The following PHC2 variants were observed in gnomAD, a reference collection of about 807,000 sequenced individuals.
PHC2 encodes the protein polyhomeotic-like protein 2.
In PHC2, 29 loss-of-function variants were observed where a neutral mutation model predicts 87.4. That is an observed-to-expected ratio of 0.33 (90% confidence interval 0.25 to 0.45). The LOEUF (loss-of-function observed/expected upper bound fraction) is 0.45. PHC2 is among the 20% of genes least tolerant of loss of function. PHC2 has a pLI of 1.00. For missense variants in PHC2, 857 were observed against 1,136.7 expected (o/e 0.75, Z 3.54); for synonymous variants, 438 against 461.7 (o/e 0.95, Z 0.66).
At chr1:33,404,956 T>C (rs531559151) in intron 1 of PHC2, among the ~76,000 whole-genome samples, 37 of 152,302 alleles carry the variant, frequency 2.4e-4, no homozygotes, top group Admixed American at 1.7e-3. Flanking sequence ...GCATGTTTAA[T>C]GGCTGCACAG....
intron 2 of PHC2, among the ~76,000 whole-genome samples, chr1:33,374,146 G>A (rs1296029299): frequency 6.6e-6 from 1 of 152,120 alleles, no homozygotes; most frequent in African/African-American, 2.4e-5. Context: ...ACTCCTGAAA[G>A]TGACCTCCCC....
chr1:33,356,276 T>TATATATATATATATATATAC (rs1557831073), intron 7 of PHC2, among the ~76,000 whole-genome samples: 5,573 of 57,734 alleles, frequency 0.097, 225 homozygotes, highest in Middle Eastern at 0.17. Flanking sequence ...TATATATATA[T>TATATATATATATATATATAC]GTATATATAT....
intron 9 of PHC2, among the ~76,000 whole-genome samples, chr1:33,342,977 C>T (rs953883356): frequency 6.6e-6 from 1 of 152,188 alleles, no homozygotes; most frequent in Non-Finnish European, 1.5e-5. Context: ...TATTCTGTTC[C>T]ACCTTTAATC....
chr1:33,331,998 C>T lies in PHC2; in HGVS notation c.1891+277G>A, dbSNP rs527761397. On this transcript the variant is annotated intron_variant, in intron 11 of 14. Transcript: ENST00000683057. The surrounding 1 kb of genome is among the most constrained non-coding windows in gnomAD (Gnocchi z 5.2). Reference sequence around the variant, plus strand: ...CAGGACTTGCCTGGGGCCACTCCTACAGTCATGCCTAAAACTTGCCAATGA... The same window carrying T: ...CAGGACTTGCCTGGGGCCACTCCTATAGTCATGCCTAAAACTTGCCAATGA... Among the ~76,000 whole-genome samples the T allele has an allele frequency of 5.3e-5, 8 of 152,368 alleles. No homozygotes were observed. In the South Asian group the frequency reaches 6.2e-4, roughly 12 times the overall value.
intron 1 of PHC2, among the ~76,000 whole-genome samples, chr1:33,398,258 G>A (rs994910275): frequency 6.6e-6 from 1 of 152,204 alleles, no homozygotes; most frequent in Admixed American, 6.5e-5. Context: ...ATGACATTAA[G>A]TAAGTGTAAT....
At chr1:33,403,785 G>A (rs999819261) in intron 1 of PHC2, among the ~76,000 whole-genome samples, 18 of 152,082 alleles carry the variant, frequency 1.2e-4, no homozygotes, top group Non-Finnish European at 2.5e-4. Flanking sequence ...TTTCTTTGGT[G>A]TCTCAGCAGC....
At chr1:33,430,173 A>G (rs1313346960) in intron 1 of PHC2, among the ~76,000 whole-genome samples, 1 of 152,136 alleles carries the variant, frequency 6.6e-6, no homozygotes, top group African/African-American at 2.4e-5. Context: ...AATTTGTTAG[A>G]CACTCACGTA....
Position 33,349,411 on chromosome 1 carries a change from G to A in PHC2, c.1558+4990C>T, listed in dbSNP as rs1485410855. The A allele has an allele frequency of 1.0e-6, 1 of 985,236 alleles. No individual in the cohort carries two copies. Among genetic ancestry groups the A allele is most frequent in the African/African-American group, 1.7e-5 (1 of 57,342 alleles). The allele number at this position is 985,236 out of a possible 1,614,324, so 61.0% of individuals were successfully genotyped here. A position where few individuals can be genotyped will look rare whatever the true frequency, so the allele number is the denominator to read the frequency against. ...CGACGGGCGCGCAGGGTCCCCAGGCGAGCGAGGCTGGGGAGCAGGGCACCT... is the reference window on the plus strand; with the variant it reads ...CGACGGGCGCGCAGGGTCCCCAGGCAAGCGAGGCTGGGGAGCAGGGCACCT... On this transcript the variant is annotated intron_variant, in intron 9 of 14. Coordinates refer to ENST00000683057, the MANE Select transcript of PHC2 (RefSeq NM_001385109.1). This position sits in a 1 kb window ranked among gnomAD's most constrained non-coding sequence, Gnocchi z 4.2.
At position 33,375,644 on chromosome 1, in the gene PHC2, A is replaced by G; in HGVS notation, c.-54-51T>C. 5.8e-6 allele frequency: 7 copies of G among 1,200,532 alleles called. 1 individual carries two copies. The South Asian group carries it at 1.1e-4, about 19-fold the overall frequency. 74.4% of individuals were successfully genotyped at this position (1,200,532 alleles called of 1,614,324 possible). ...TGTTTTGACAGACGCTTACTAGAGA[A>G]TGTTCACAAAGTCAGCCTTTTGTAT... On this transcript the variant is annotated intron_variant, in intron 1 of 14. Coordinates refer to ENST00000683057, the MANE Select transcript of PHC2 (RefSeq NM_001385109.1).
At chr1:33,402,317 T>C (rs1649570014) in intron 1 of PHC2, among the ~76,000 whole-genome samples, 1 of 152,238 alleles carries the variant, frequency 6.6e-6, no homozygotes, top group Admixed American at 6.5e-5. Flanking sequence ...GAGCAATGGT[T>C]ATGTTCACAT....
intron 1 of PHC2, among the ~76,000 whole-genome samples, chr1:33,387,996 T>C (rs760852957): frequency 7.9e-5 from 12 of 152,176 alleles, no homozygotes; most frequent in Non-Finnish European, 1.8e-4. Flanking sequence ...TATTTCAACA[T>C]ATATTATCTA....
intron 1 of PHC2, among the ~76,000 whole-genome samples, chr1:33,386,350 TA>T (rs954697124): frequency 6.6e-6 from 1 of 151,242 alleles, no homozygotes; most frequent in African/African-American, 2.4e-5. Context: ...ACCCCGTCTC[TA>T]CTGAAAATAC....
chr1:33,378,069 A>G (rs1415160911), intron 1 of PHC2, among the ~76,000 whole-genome samples: 1 of 152,208 alleles, frequency 6.6e-6, no homozygotes, highest in Non-Finnish European at 1.5e-5. Context: ...TCCATGAATT[A>G]ATTCCCTTTG....
intron 1 of PHC2, among the ~76,000 whole-genome samples, chr1:33,425,876 T>C (rs1213565109): frequency 1.3e-5 from 2 of 152,234 alleles, no homozygotes; most frequent in Admixed American, 6.5e-5. Context: ...TGGTCCATGT[T>C]GGGCATAGAA....
chr1:33,350,725 T>TCCA (rs1025401845), intron 9 of PHC2, among the ~76,000 whole-genome samples: 3 of 151,672 alleles, frequency 2.0e-5, no homozygotes, highest in Non-Finnish European at 4.4e-5. Flanking sequence ...CCCACCCCTT[T>TCCA]CCACTCTCAG....
chr1:33,370,311 C>T, intron 5 of PHC2, 110 bp downstream of exon 5: 1 of 1,044,852 alleles, frequency 9.6e-7, no homozygotes, highest in Non-Finnish European at 1.4e-6. Context: ...TTATCTCCTG[C>T]CCCTGCCCCT....
At position 33,368,591 on chromosome 1, in the gene PHC2, G is replaced by T; in HGVS notation, c.608C>A (p.Thr203Asn). Reference protein sequence around the residue: ...LIFTPTATVATVQPELGTGSP... With the variant: ...LIFTPTATVANVQPELGTGSP... The stretch of plus-strand genomic sequence containing the variant: ...GCCAGTGCCGAGCTCAGGCTGCACA[G>T]TAGCGACGGTGGCCGTGGGCGTGAA... The change falls in exon 6 of 15, where the codon ACT (threonine) becomes AAT (asparagine). Residue 203 changes from threonine (T) to asparagine (N), a missense_variant. Physicochemically the swap from Thr to Asn is moderately conservative, Grantham distance 65. Around this residue, in one of 3 missense-constraint regions of PHC2, gnomAD observed 832 missense variants for 1,081.8 expected, o/e 0.77. Coordinates refer to ENST00000683057, the MANE Select transcript of PHC2 (RefSeq NM_001385109.1). This position sits in a 1 kb window ranked among gnomAD's most constrained non-coding sequence, Gnocchi z 6.6. 6.4e-7 allele frequency: 1 copy of T among 1,551,108 alleles called. No individual in the cohort carries two copies. The highest frequency in any genetic ancestry group is 8.7e-7 in the Non-Finnish European group (1 of 1,146,730).
At chr1:33,347,403 T>A in intron 9 of PHC2, 1 of 984,832 alleles carries the variant, frequency 1.0e-6, no homozygotes, top group Non-Finnish European at 1.2e-6. Flanking sequence ...CTTCTTTACT[T>A]AGAGGGAAGA....
intron 14 of PHC2, among the ~76,000 whole-genome samples, chr1:33,328,194 G>A (rs1646412313): frequency 6.6e-6 from 1 of 152,060 alleles, no homozygotes; most frequent in Admixed American, 6.6e-5. Context: ...TCTTACAGCT[G>A]GCTCCTAGAT....
Sources: gnomAD v4.1 joint callset for allele counts (sites outside exome capture counted in the v4.1 genomes callset) on GRCh38, gnomAD v4.1.1 for gene constraint, gnomAD v4.1.1 regional missense constraint, Gnocchi (gnomAD v3.1) non-coding constraint, MANE v1.5 for transcripts, NCBI Gene and HGNC (gene_info 2026-07-23, HGNC 2026-07-21) for gene names.